Variants in RNF130 observed in about 807,000 individuals in gnomAD.
RNF130 encodes the protein ring finger protein 130, also known as E3 ubiquitin-protein ligase RNF130.
A neutral mutation model predicts 44.6 loss-of-function variants in RNF130; 21 were observed. The observed-to-expected ratio is 0.47, with a 90% CI of 0.33 to 0.68. The LOEUF (loss-of-function observed/expected upper bound fraction) is 0.68, where lower values mean the gene tolerates loss of function less well. Ranked by LOEUF, RNF130 falls within the 30% of genes least tolerant of loss-of-function variation. The probability of loss-of-function intolerance (pLI) is 0.02; values close to 1 mark genes in which losing one functional copy is unlikely to be tolerated. For missense variants in RNF130, 479 were observed against 560.6 expected, an observed-to-expected ratio of 0.85 and a Z score of 1.47; for synonymous variants, 214 against 210.4, an observed-to-expected ratio of 1.02 and a Z score of -0.15.
exon 8 of RNF130, chr5:179,914,245 C>T (rs1761508455): frequency 6.6e-6 from 1 of 152,272 alleles, no homozygotes; most frequent in African/African-American, 2.4e-5. Flanking sequence ...CTATTTTAAG[C>T]TGTGGGTATC....
intron 7 of RNF130, among the ~76,000 whole-genome samples, chr5:179,937,904 C>G (rs930955198): frequency 2.6e-3 from 305 of 119,458 alleles, no homozygotes; most frequent in Non-Finnish European, 3.4e-3. Context: ...TTCAATGAAT[C>G]TGTGTGTGTG....
chr5:179,982,522 T>C (rs770182564), intron 3 of RNF130, among the ~76,000 whole-genome samples: 3 of 152,184 alleles, frequency 2.0e-5, no homozygotes, highest in Admixed American at 6.5e-5. Flanking sequence ...ATGAAAATTA[T>C]AGTTCCTCCA....
intron 7 of RNF130, among the ~76,000 whole-genome samples, chr5:179,936,489 A>G (rs1761892855): frequency 6.6e-6 from 1 of 152,104 alleles, no homozygotes. Flanking sequence ...TTAGCCTCCC[A>G]AAGTGCTGGG....
chr5:179,960,567 G>C (rs928660575), intron 8 of RNF130, among the ~76,000 whole-genome samples: 13 of 152,170 alleles, frequency 8.5e-5, no homozygotes, highest in African/African-American at 2.2e-4. Flanking sequence ...GGGGGCCCTA[G>C]ACCACCTGGG....
chr5:180,006,757 T>C (rs984649130), intron 3 of RNF130, among the ~76,000 whole-genome samples: 2 of 152,242 alleles, frequency 1.3e-5, no homozygotes, highest in African/African-American at 4.8e-5. Context: ...TTAAACATTT[T>C]ACATTTTTCA....
chr5:180,000,836 C>T (rs13362131), intron 3 of RNF130, among the ~76,000 whole-genome samples: 17,380 of 152,182 alleles, frequency 0.11, 2,167 homozygotes, highest in African/African-American at 0.32. Context: ...AGTTTCCATA[C>T]GATCATAATT....
chr5:179,912,381 T>TA (rs1206384591), exon 8 of RNF130: 2 of 152,240 alleles, frequency 1.3e-5, no homozygotes, highest in Non-Finnish European at 2.9e-5. Context: ...CTTTTCCTGT[T>TA]TTTGTAATCA....
chr5:179,927,523 T>C (rs2113673601), intron 7 of RNF130, among the ~76,000 whole-genome samples: 1 of 151,818 alleles, frequency 6.6e-6, no homozygotes, highest in South Asian at 2.1e-4. Context: ...CCAATCACTA[T>C]GTCCTCTCTC....
exon 8 of RNF130, chr5:179,919,337 G>C (rs1582119659): frequency 6.5e-6 from 1 of 153,092 alleles, no homozygotes; most frequent in Non-Finnish European, 1.5e-5. Context: ...TCTTCATGCT[G>C]TGCTGGGGCT....
intron 3 of RNF130, among the ~76,000 whole-genome samples, chr5:179,990,841 G>C (rs1763066538): frequency 6.6e-6 from 1 of 152,108 alleles, no homozygotes; most frequent in Non-Finnish European, 1.5e-5. Context: ...TATAATTGTA[G>C]AGTAAGGATT....
chr5:179,978,752 C>T (rs1240538544), intron 4 of RNF130, among the ~76,000 whole-genome samples: 1 of 152,160 alleles, frequency 6.6e-6, no homozygotes, highest in Non-Finnish European at 1.5e-5. Context: ...TAGAAACCCA[C>T]CCCAAGAATG....
At chr5:179,950,528 G>A (rs559746651), downstream of RNF130, among the ~76,000 whole-genome samples, 1 of 152,346 alleles carries the variant, frequency 6.6e-6, no homozygotes, top group African/African-American at 2.4e-5. Flanking sequence ...CATGGTTACT[G>A]AGACCATGAT....
At chr5:180,006,824 A>G (rs1763472236) in intron 3 of RNF130, among the ~76,000 whole-genome samples, 1 of 152,214 alleles carries the variant, frequency 6.6e-6, no homozygotes, top group African/African-American at 2.4e-5. Flanking sequence ...CGTTTTGTGT[A>G]AAATAACTAT....
In RNF130 at chr5:180,027,045, A is replaced by G. The variant is rs372138788; in HGVS notation, c.442+13408T>C. Among the ~76,000 whole-genome samples, 99 of 152,320 alleles carry G rather than the reference A, an allele frequency of 6.5e-4. 1 individual carries two copies. The highest frequency in any genetic ancestry group is 2.3e-3 in the African/African-American group (94 of 41,576). On this transcript the variant is annotated intron_variant, in intron 2 of 8. Coordinates refer to ENST00000521389, the MANE Select transcript of RNF130 (RefSeq NM_018434.6). The stretch of plus-strand genomic sequence containing the variant: ...GGTTTCTCTCCTTTTGACTTTTACC[A>G]GTTCTTACTAGTTCACATCAAAATG...
rs532282318 is a variant in RNF130 at position 180,051,113 on chromosome 5, C to T, written c.248-10466G>A. 3.9e-5 allele frequency among the ~76,000 whole-genome samples: 6 copies of T among 152,052 alleles called. No individual in the cohort carries two copies. In the East Asian group the frequency reaches 1.2e-3, roughly 30 times the overall value. ...CCACCAAACCTGGCCAATTCTAGTACTTTTAAAAAGTAAACTAAATGTGTT... is the reference window on the plus strand; with the variant it reads ...CCACCAAACCTGGCCAATTCTAGTATTTTTAAAAAGTAAACTAAATGTGTT... On this transcript the variant is annotated intron_variant, in intron 1 of 8. Transcript: ENST00000521389.
At chr5:179,914,281 T>G (rs1328582438) in exon 8 of RNF130, 1 of 152,302 alleles carries the variant, frequency 6.6e-6, no homozygotes, top group Non-Finnish European at 1.5e-5. Context: ...CTTACTCATC[T>G]TCCCACACTC....
intron 2 of RNF130, among the ~76,000 whole-genome samples, chr5:180,015,015 G>A (rs1763685419): frequency 6.6e-6 from 1 of 152,030 alleles, no homozygotes; most frequent in Admixed American, 6.6e-5. Flanking sequence ...AGTAAAAGGA[G>A]TTTTATGGAA....
chr5:179,974,840 G>A (rs191204751), intron 5 of RNF130, among the ~76,000 whole-genome samples: 168 of 152,386 alleles, frequency 1.1e-3, no homozygotes, highest in South Asian at 3.5e-3. Context: ...GGCACGCAGC[G>A]GCGCGGGGAG....
intron 2 of RNF130, among the ~76,000 whole-genome samples, chr5:180,031,349 T>C (rs1257726000): frequency 2.6e-5 from 4 of 152,126 alleles, no homozygotes; most frequent in African/African-American, 7.2e-5. Context: ...TAGCTGGGCA[T>C]GGTGGCACGC....
Sources: allele counts gnomAD v4.1 joint callset (sites outside exome capture counted in the v4.1 genomes callset), GRCh38; gene constraint gnomAD v4.1.1; transcripts MANE v1.5; gene names NCBI Gene and HGNC (gene_info 2026-07-23, HGNC 2026-07-21).